TMEM132B: variants seen among roughly 807,000 people sequenced by gnomAD.
TMEM132B encodes transmembrane protein 132B.
TMEM132B carries 18 observed loss-of-function variants against 90.8 expected under a neutral mutation model. That is an observed-to-expected ratio of 0.20 (90% CI 0.14 to 0.29). The LOEUF (loss-of-function observed/expected upper bound fraction) is 0.29. Among genes scored for constraint, TMEM132B ranks in the 10% least tolerant of loss-of-function variants. The pLI is 1.00. For missense variants in TMEM132B, 1,096 were observed against 1,326.8 expected, an observed-to-expected ratio of 0.83 and a Z score of 2.70; for synonymous variants, 504 against 523.3, an observed-to-expected ratio of 0.96 and a Z score of 0.50.
intron 3 of TMEM132B, among the ~76,000 whole-genome samples, chr12:125,509,858 G>T (rs1014917249): frequency 6.8e-6 from 1 of 146,774 alleles, no homozygotes; most frequent in Non-Finnish European, 1.5e-5. Context: ...CTGGAGTCTG[G>T]AGTCTGTCAT....
chr12:125,658,689 T>A lies in TMEM132B; in HGVS notation c.*3979T>A, dbSNP rs909306269. The A allele has an allele frequency of 6.6e-6, 1 of 152,264 alleles. No individual in the cohort carries two copies. Among genetic ancestry groups the A allele is most frequent in the Non-Finnish European group, 1.5e-5 (1 of 68,050 alleles). The allele number at this position is 152,264 out of a possible 1,614,324, so 9.4% of individuals were successfully genotyped here. ...TTTGTATGTAATATAGGCAATATAA[T>A]GAAACACCGAGTTTTTTAAAGTGAA... On this transcript the variant is annotated 3_prime_UTR_variant, in exon 9 of 9. Transcript: ENST00000682704.
rs1441285437 is a variant in TMEM132B, at chr12:125,406,024, T to C, written c.960-9507T>C. Among the ~76,000 whole-genome samples, 1 of 152,200 alleles carries C rather than the reference T, an allele frequency of 6.6e-6. No individual in the cohort carries two copies. The highest frequency in any genetic ancestry group is 2.4e-5 in the African/African-American group (1 of 41,444). The stretch of plus-strand genomic sequence containing the variant: ...ATTCAGGTTGTAGCTTTCCTTGCTT[T>C]TTTTTGGAATATTTATTAGTTCAGT... On this transcript the variant is annotated intron_variant, in intron 2 of 8. Transcript: ENST00000682704. The surrounding 1 kb of genome is among the most constrained non-coding windows in gnomAD (Gnocchi z 8.3).
intron 1 of TMEM132B, among the ~76,000 whole-genome samples, chr12:125,345,431 G>T (rs145241798): frequency 6.6e-6 from 1 of 152,314 alleles, no homozygotes; most frequent in Non-Finnish European, 1.5e-5. Context: ...TAAGGTCCAT[G>T]TCCAGGAATG....
At chr12:125,346,970 G>A (rs1267375304) in intron 1 of TMEM132B, among the ~76,000 whole-genome samples, 2 of 152,222 alleles carry the variant, frequency 1.3e-5, no homozygotes, top group Non-Finnish European at 2.9e-5. Context: ...CCTAATGACA[G>A]GTTTTTGGGC....
intron 3 of TMEM132B, among the ~76,000 whole-genome samples, chr12:125,440,268 T>C (rs1527134): frequency 0.55 from 83,494 of 152,034 alleles, 24,445 homozygotes; most frequent in African/African-American, 0.77. Context: ...TCTTGGTGTT[T>C]TGTCAGAGAA....
chr12:125,528,138 CT>C (rs111972959), intron 4 of TMEM132B, among the ~76,000 whole-genome samples: 60 of 147,390 alleles, frequency 4.1e-4, no homozygotes, highest in South Asian at 6.5e-4. Context: ...GTGTCTATTT[CT>C]TTTTTTTTTT....
intron 4 of TMEM132B, among the ~76,000 whole-genome samples, chr12:125,527,578 A>G (rs1270311347): frequency 2.4e-5 from 3 of 127,614 alleles, no homozygotes; most frequent in Non-Finnish European, 4.8e-5. Context: ...CCACCCTTCC[A>G]TCCACCCGTT....
chr12:125,238,694 GCGGT>G (rs1873997212), intron 1 of TMEM132B, among the ~76,000 whole-genome samples: 1 of 152,218 alleles, frequency 6.6e-6, no homozygotes, highest in South Asian at 2.1e-4. Context: ...GACAGGTGGG[GCGGT>G]CAGCACCGAC....
intron 1 of TMEM132B, among the ~76,000 whole-genome samples, chr12:125,310,869 T>A (rs965769262): frequency 5.3e-5 from 8 of 152,226 alleles, no homozygotes; most frequent in African/African-American, 1.9e-4. Flanking sequence ...GATGTCTCCT[T>A]GACTCAAGGC....
intron 1 of TMEM132B, among the ~76,000 whole-genome samples, chr12:125,307,230 C>T (rs1159998388): frequency 2.0e-5 from 3 of 152,144 alleles, no homozygotes; most frequent in Non-Finnish European, 4.4e-5. Context: ...CCACTAAACC[C>T]ATCAGCTCCA....
intron 3 of TMEM132B, among the ~76,000 whole-genome samples, chr12:125,430,019 C>T (rs145157896): frequency 0.014 from 2,057 of 152,340 alleles, 51 homozygotes; most frequent in African/African-American, 0.046. Flanking sequence ...CTTTCTGATG[C>T]TAATTGCAAC....
chr12:125,282,935 G>A (rs982135905), intron 1 of TMEM132B, among the ~76,000 whole-genome samples: 2 of 152,054 alleles, frequency 1.3e-5, no homozygotes, highest in Admixed American at 1.3e-4. Context: ...TCTTTGGGAC[G>A]GCCCTCCAAG....
At chr12:125,212,672 C>A (rs565049948) in intron 1 of TMEM132B, among the ~76,000 whole-genome samples, 1 of 151,960 alleles carries the variant, frequency 6.6e-6, no homozygotes, top group African/African-American at 2.4e-5. Context: ...CCAATCTGGG[C>A]GACAAGAGCG....
chr12:125,647,952 C>T (rs372306226), intron 6 of TMEM132B, among the ~76,000 whole-genome samples: 8 of 144,586 alleles, frequency 5.5e-5, no homozygotes, highest in South Asian at 4.3e-4. Context: ...GTGCACATTG[C>T]GCAGGTTAGT....
chr12:125,339,268 G>A (rs1316559892), intron 1 of TMEM132B, among the ~76,000 whole-genome samples: 3 of 152,200 alleles, frequency 2.0e-5, no homozygotes, highest in Admixed American at 2.0e-4. Context: ...TCTGGAGGCT[G>A]GAAGTCCAAG....
At chr12:125,493,034 G>A (rs943104931) in intron 3 of TMEM132B, among the ~76,000 whole-genome samples, 5 of 152,140 alleles carry the variant, frequency 3.3e-5, no homozygotes, top group Non-Finnish European at 5.9e-5. Context: ...ACCCCTGCAG[G>A]TGGCACGTCA....
chr12:125,332,334 C>G (rs930382760), intron 1 of TMEM132B, among the ~76,000 whole-genome samples: 5 of 152,098 alleles, frequency 3.3e-5, no homozygotes, highest in African/African-American at 1.2e-4. Flanking sequence ...TAACTGCCAG[C>G]CAATTATTCA....
intron 4 of TMEM132B, among the ~76,000 whole-genome samples, chr12:125,581,351 A>G (rs1885048923): frequency 6.6e-6 from 1 of 152,202 alleles, no homozygotes; most frequent in African/African-American, 2.4e-5. Flanking sequence ...AATTTTGTAT[A>G]CCTACATTTC....
intron 2 of TMEM132B, among the ~76,000 whole-genome samples, chr12:125,358,027 C>G (rs1285610906): frequency 6.6e-6 from 1 of 152,158 alleles, no homozygotes; most frequent in Non-Finnish European, 1.5e-5. Context: ...TTTGATTGTA[C>G]AAGTGTTTTG....
Sources: allele counts gnomAD v4.1 joint callset (sites outside exome capture counted in the v4.1 genomes callset), GRCh38; gene constraint gnomAD v4.1.1; non-coding constraint Gnocchi (gnomAD v3.1); transcripts MANE v1.5; gene names NCBI Gene and HGNC (gene_info 2026-07-23, HGNC 2026-07-21).